Variants in PRDM11 observed in about 807,000 individuals in gnomAD.
PRDM11 encodes the protein PR/SET domain 11.
Under a neutral mutation model 97.8 loss-of-function variants are expected in PRDM11, and 20 were observed. The observed-to-expected ratio is 0.20, with a 90% CI of 0.14 to 0.30. The LOEUF is 0.30. Ranked by LOEUF, PRDM11 falls within the 10% of genes least tolerant of loss-of-function variation. The pLI, the probability that PRDM11 is intolerant of heterozygous loss-of-function variation, is 1.00. For synonymous variants in PRDM11, 599 were observed against 637.7 expected, an observed-to-expected ratio of 0.94 and a Z score of 0.91; for missense variants, 1,139 against 1,555.2, an observed-to-expected ratio of 0.73 and a Z score of 4.50.
At chr11:45,147,357 C>T (rs1273087173) in intron 1 of PRDM11, 1 of 152,012 alleles carries the variant, frequency 6.6e-6, no homozygotes, top group African/African-American at 2.4e-5. Context: ...CTCGCGGACG[C>T]CCTCGGCCCC....
rs867210993 is a variant in PRDM11, at chr11:45,148,086, T to C, written c.-7+1209T>C. On this transcript the variant is annotated intron_variant, in intron 1 of 7. Transcript: ENST00000683152. ...CATTGTTGGAGGTGTAGGGTCGTAG[T>C]TGGGGAGCAGGGCACAGTCTTTGCC... Among the ~76,000 whole-genome samples, 71 of 152,062 alleles carry C rather than the reference T, an allele frequency of 4.7e-4. 1 individual carries two copies. The highest frequency in any genetic ancestry group is 1.6e-3 in the African/African-American group (68 of 41,402).
rs774372730 is a variant in PRDM11, at chr11:45,219,554, CT to C, written c.555-15del. 1.9e-6 allele frequency: 3 copies of C among 1,608,362 alleles called. No homozygotes were observed. In the South Asian group the frequency reaches 3.3e-5, roughly 18 times the overall value. On this transcript the variant is annotated splice_polypyrimidine_tract_variant and intron_variant, in intron 5 of 7. Coordinates refer to ENST00000683152, the MANE Select transcript of PRDM11 (RefSeq NM_001384648.1). The surrounding 1 kb of genome is among the most constrained non-coding windows in gnomAD (Gnocchi z 4.2). ...GGGTGGCCCGTGCGTTCTCACCTGT[CT>C]CCCCTCCCCACCAGGTACGTGGTCA...
At chr11:45,211,438 C>T (rs916301637) in intron 5 of PRDM11, among the ~76,000 whole-genome samples, 1 of 152,212 alleles carries the variant, frequency 6.6e-6, no homozygotes, top group African/African-American at 2.4e-5. Flanking sequence ...GGGATCAGCC[C>T]ATACCCTTGG....
intron 1 of PRDM11, among the ~76,000 whole-genome samples, chr11:45,162,352 G>GC (rs1851950034): frequency 6.6e-6 from 1 of 152,060 alleles, no homozygotes; most frequent in Admixed American, 6.5e-5. Flanking sequence ...CCATTTTTAG[G>GC]CTGGAGAAAG....
At position 45,228,337 on chromosome 11, in the gene PRDM11, A is replaced by AAAAAACCAAGGTGACG; in HGVS notation, c.*178_*179insAAAAACCAAGGTGACG. On this transcript the variant is annotated 3_prime_UTR_variant, in exon 8 of 8. Transcript: ENST00000683152. ...CAAGGTGACGCGTCCACCAGAAGCC[A>AAAAAACCAAGGTGACG]CTGGGAGATTTCAGAAAGGAAAAAT... is the stretch of plus-strand genomic sequence containing the variant. The AAAAAACCAAGGTGACG allele has an allele frequency of 4.9e-6, 1 of 203,894 alleles. No homozygotes were observed. The highest frequency in any genetic ancestry group is 8.9e-6 in the Non-Finnish European group (1 of 112,554). The allele number at this position is 203,894 out of a possible 1,614,324, so 12.6% of individuals were successfully genotyped here. A position where few individuals can be genotyped will look rare whatever the true frequency, so the allele number is the denominator to read the frequency against.
At chr11:45,153,101 C>T (rs1851700485) in intron 1 of PRDM11, among the ~76,000 whole-genome samples, 1 of 152,180 alleles carries the variant, frequency 6.6e-6, no homozygotes, top group South Asian at 2.1e-4. Context: ...GGAATTTGGC[C>T]CTCTACAGCG....
chr11:45,102,898 G>C (rs1852002403), intron 1 of PRDM11, among the ~76,000 whole-genome samples: 3 of 152,222 alleles, frequency 2.0e-5, no homozygotes, highest in Admixed American at 2.0e-4. Context: ...AGTGTGAACT[G>C]GTCGACCGAG....
At chr11:45,187,799 CGT>C (rs61613469) in intron 4 of PRDM11, among the ~76,000 whole-genome samples, 32,786 of 146,880 alleles carry the variant, frequency 0.22, 3,719 homozygotes, top group South Asian at 0.29. Context: ...AAGAAAAGTT[CGT>C]GTGTGTGTGT....
Position 45,228,016 on chromosome 11 carries a change from C to T in PRDM11, c.3391C>T (p.Arg1131Ter). 1 of 1,533,688 alleles carries T rather than the reference C, an allele frequency of 6.5e-7. No homozygotes were observed. Among genetic ancestry groups the T allele is most frequent in the Non-Finnish European group, 8.7e-7 (1 of 1,146,702 alleles). The change falls in exon 8 of 8, where the codon CGA becomes TGA. Residue 1131 changes from arginine to a stop codon, truncating the protein, a stop_gained. Transcript: ENST00000683152. LOFTEE classifies it high-confidence loss of function. Reference protein sequence around the residue: ...GPPITNFDAKRALDSWFEEKS... With the variant: ...GPPITNFDAK ...GCCAATCACCAACTTTGATGCCAAG[C>T]GAGCCCTGGACAGCTGGTTTGAGGA...
intron 1 of PRDM11, among the ~76,000 whole-genome samples, chr11:45,116,182 TAC>T (rs1319546128): frequency 6.6e-6 from 1 of 152,144 alleles, no homozygotes; most frequent in Non-Finnish European, 1.5e-5. Context: ...AGACAAAATG[TAC>T]AGTCATGTTT....
rs749627237 is a variant in PRDM11 at position 45,227,574 on chromosome 11, G to A, written c.2949G>A (p.Val983=). The A allele has an allele frequency of 1.3e-6, 2 of 1,533,802 alleles. No individual in the cohort carries two copies. Among genetic ancestry groups the A allele is most frequent in the Admixed American group, 2.0e-5 (1 of 50,974 alleles). The change falls in exon 8 of 8, where the codon GTG becomes GTA. Residue 983 remains valine (V), a synonymous_variant. Transcript: ENST00000683152. The surrounding 1 kb of genome is among the most constrained non-coding windows in gnomAD (Gnocchi z 8.0). The stretch of plus-strand genomic sequence containing the variant: ...TCGACTCCCGCAGCCGGATCTTTGT[G>A]AAGGCCTGCCAGGTGTTTGACCTGG... ...QRFDSRSRIF[V]KACQVFDLAA...
chr11:45,168,547 C>A (rs1852125236), intron 1 of PRDM11, among the ~76,000 whole-genome samples: 1 of 152,168 alleles, frequency 6.6e-6, no homozygotes, highest in Non-Finnish European at 1.5e-5. Context: ...CCCTCTGGGT[C>A]TCACTTTCCT....
rs756403475 is a variant in PRDM11, at chr11:45,122,202, G to GACACAC, written c.96+26331_96+26336dup. ...AGAGACACAGACAGACACACACACAGACACACACACACACACACACACACA... is the reference window on the plus strand; with the variant it reads ...AGAGACACAGACAGACACACACACAGACACACACACACACACACACACACACACACA... On this transcript the variant is annotated intron_variant, in intron 1 of 6. Coordinates refer to the PRDM11 transcript ENST00000530656. Among the ~76,000 whole-genome samples the GACACAC allele has an allele frequency of 3.4e-3, 492 of 145,114 alleles. 2 individuals are homozygous for GACACAC. The highest frequency in any genetic ancestry group is 6.0e-3 in the African/African-American group (236 of 39,588).
chr11:45,213,570 C>A (rs974311343), intron 5 of PRDM11: 3 of 456,456 alleles, frequency 6.6e-6, no homozygotes, highest in African/African-American at 6.0e-5. Flanking sequence ...GCGTGCTCAG[C>A]TGCTGTGCTT....
upstream of PRDM11, among the ~76,000 whole-genome samples, chr11:45,144,126 G>T (rs142881355): frequency 6.4e-4 from 97 of 152,296 alleles, no homozygotes; most frequent in Non-Finnish European, 1.2e-3. Flanking sequence ...CCTTGTTTCA[G>T]ATTCCTTCCT....
rs1450312480 is a variant in PRDM11, at chr11:45,228,190, T to G, written c.*31T>G. 10 of 1,431,726 alleles carry G rather than the reference T, an allele frequency of 7.0e-6. No homozygotes were observed. Among genetic ancestry groups the G allele is most frequent in the Non-Finnish European group, 9.1e-6 (10 of 1,099,526 alleles). The allele number at this position is 1,431,726 out of a possible 1,614,324, so 88.7% of individuals were successfully genotyped here. On this transcript the variant is annotated 3_prime_UTR_variant, in exon 8 of 8. Transcript: ENST00000683152. The stretch of plus-strand genomic sequence containing the variant: ...TGGCGCTGCAGAGTTCACTAAGCTG[T>G]TGAATATTTTTTTAATCTATACTCA...
chr11:45,173,036 A>C (rs1590404127), intron 1 of PRDM11, among the ~76,000 whole-genome samples: 1 of 152,058 alleles, frequency 6.6e-6, no homozygotes. Context: ...CTTCCCTTTG[A>C]TTTGGTCAAA....
chr11:45,114,714 A>C (rs1022484605), intron 1 of PRDM11, among the ~76,000 whole-genome samples: 1 of 152,170 alleles, frequency 6.6e-6, no homozygotes, highest in African/African-American at 2.4e-5. Flanking sequence ...ACACACAAAA[A>C]AACCATATCA....
chr11:45,213,058 A>C (rs766520206), intron 5 of PRDM11: 1 of 447,718 alleles, frequency 2.2e-6, no homozygotes, highest in South Asian at 1.6e-5. Flanking sequence ...GCTAGTCTGC[A>C]CTAGGAGGAA....
Sources: gnomAD v4.1 joint callset for allele counts (sites outside exome capture counted in the v4.1 genomes callset) on GRCh38, gnomAD v4.1.1 for gene constraint, Gnocchi (gnomAD v3.1) non-coding constraint, MANE v1.5 for transcripts, NCBI Gene and HGNC (gene_info 2026-07-23, HGNC 2026-07-21) for gene names.